The following STK32B variants were observed in gnomAD, a reference collection of about 807,000 sequenced individuals.
STK32B encodes the protein serine/threonine kinase 32B.
A neutral mutation model predicts 52.6 loss-of-function variants in STK32B; 43 were observed. The ratio of observed to expected loss-of-function variants is 0.82; its 90% CI spans 0.64 to 1.05. The LOEUF (loss-of-function observed/expected upper bound fraction) is 1.05, where lower values mean the gene tolerates loss of function less well. STK32B is among the 50% of genes least tolerant of loss of function. The pLI, the probability that STK32B is intolerant of heterozygous loss-of-function variation, is 0.00. For synonymous variants in STK32B, 238 were observed against 204.3 expected, an observed-to-expected ratio of 1.17 and a Z score of -1.41; for missense variants, 621 against 534.6, an observed-to-expected ratio of 1.16 and a Z score of -1.59.
intron 4 of STK32B, among the ~76,000 whole-genome samples, chr4:5,393,693 A>G (rs1333440089): frequency 1.3e-5 from 2 of 152,164 alleles, no homozygotes; most frequent in Non-Finnish European, 2.9e-5. Context: ...TAAACCATTC[A>G]GGAGAAACCA....
chr4:5,041,240 A>G, the STK32B span, among the ~76,000 whole-genome samples: 1 of 152,164 alleles, frequency 6.6e-6, no homozygotes, highest in Admixed American at 6.5e-5. Context: ...AAATAACCAA[A>G]TATGTGCAAG....
chr4:5,422,400 A>C (rs1712720188), intron 6 of STK32B, among the ~76,000 whole-genome samples: 1 of 152,238 alleles, frequency 6.6e-6, no homozygotes, highest in Non-Finnish European at 1.5e-5. Context: ...ACACAGATTC[A>C]GAAAATGGGC....
chr4:5,094,617 TG>T (rs1386658738), intron 1 of STK32B, among the ~76,000 whole-genome samples: 1 of 152,166 alleles, frequency 6.6e-6, no homozygotes, highest in African/African-American at 2.4e-5. Context: ...TTTGTGTCAC[TG>T]CACTCCAGCC....
chr4:5,477,590 C>T lies in STK32B; in HGVS notation c.1106+9520C>T, dbSNP rs560543909. Among the ~76,000 whole-genome samples, 7 of 152,304 alleles carry T rather than the reference C, an allele frequency of 4.6e-5. No homozygotes were observed. In the South Asian group the frequency reaches 6.2e-4, roughly 14 times the overall value. The stretch of plus-strand genomic sequence containing the variant: ...AACAACCAAGTGTGTTCCTTGTTCA[C>T]GCTGTATGTCCATGGCAGGTCAGCT... On this transcript the variant is annotated intron_variant, in intron 11 of 11. Transcript: ENST00000282908.
intron 6 of STK32B, chr4:5,436,751 G>A (rs1004375): frequency 0.43 from 382,953 of 897,318 alleles, 84,871 homozygotes; most frequent in Non-Finnish European, 0.46. Context: ...TAGGAGTCAG[G>A]ACCAAGAATT....
chr4:5,039,149 G>GAT, the STK32B span, among the ~76,000 whole-genome samples: 6 of 151,752 alleles, frequency 4.0e-5, no homozygotes, highest in African/African-American at 9.7e-5. Context: ...ATCATGCCCA[G>GAT]ATATATATAT....
chr4:5,482,883 T>G (rs926338672), intron 11 of STK32B, among the ~76,000 whole-genome samples: 4 of 152,216 alleles, frequency 2.6e-5, no homozygotes, highest in Non-Finnish European at 5.9e-5. Context: ...ATATGCTGGA[T>G]TACATTTATT....
chr4:5,421,891 C>T (rs550419036), intron 6 of STK32B, among the ~76,000 whole-genome samples: 1 of 152,178 alleles, frequency 6.6e-6, no homozygotes, highest in African/African-American at 2.4e-5. Context: ...CTGCCCAGGG[C>T]CACACAGCTG....
At chr4:5,377,518 G>A (rs1735658944) in intron 4 of STK32B, among the ~76,000 whole-genome samples, 1 of 152,080 alleles carries the variant, frequency 6.6e-6, no homozygotes, top group African/African-American at 2.4e-5. Context: ...TATCCTCAGT[G>A]GCAAACCAAT....
At position 5,399,353 on chromosome 4, in the gene STK32B, C is replaced by G. The variant is rs1008001040; in HGVS notation, c.472+1109C>G. ...AGGTCATGGTTCTATCTCAGAGCTC[C>G]TCTCGAACCTTCCATGAGCCAGCAG... is the stretch of plus-strand genomic sequence containing the variant. On this transcript the variant is annotated intron_variant, in intron 5 of 11. Transcript: ENST00000282908. This position sits in a 1 kb window ranked among gnomAD's most constrained non-coding sequence, Gnocchi z 5.4. 6.6e-6 allele frequency among the ~76,000 whole-genome samples: 1 copy of G among 152,188 alleles called. No homozygotes were observed. The highest frequency in any genetic ancestry group is 1.5e-5 in the Non-Finnish European group (1 of 68,040).
intron 1 of STK32B, among the ~76,000 whole-genome samples, chr4:5,098,940 A>G (rs1216348453): frequency 6.6e-6 from 1 of 152,240 alleles, no homozygotes; most frequent in Non-Finnish European, 1.5e-5. Flanking sequence ...TGCTGCCATA[A>G]CAAACTGCCA....
intron 11 of STK32B, among the ~76,000 whole-genome samples, chr4:5,498,483 C>A (rs1036193673): frequency 6.6e-6 from 1 of 152,288 alleles, no homozygotes; most frequent in East Asian, 1.9e-4. Context: ...AAGAATATGA[C>A]TGTTTGGCTT....
chr4:5,233,304 C>A (rs1724403564), intron 3 of STK32B, among the ~76,000 whole-genome samples: 1 of 152,082 alleles, frequency 6.6e-6, no homozygotes, highest in Non-Finnish European at 1.5e-5. Context: ...ATGTCATTTA[C>A]CAATATCATG....
chr4:5,123,340 G>T (rs1715175110), intron 1 of STK32B, among the ~76,000 whole-genome samples: 1 of 152,156 alleles, frequency 6.6e-6, no homozygotes, highest in Admixed American at 6.5e-5. Flanking sequence ...CTTCCTTGGA[G>T]CCTCATGCAG....
At chr4:5,106,732 C>T (rs1197527976) in intron 1 of STK32B, among the ~76,000 whole-genome samples, 2 of 152,146 alleles carry the variant, frequency 1.3e-5, no homozygotes, top group Non-Finnish European at 2.9e-5. Context: ...ATAGTTGTCT[C>T]TCTTTAAATA....
chr4:5,343,217 G>C (rs1481595901), intron 4 of STK32B, among the ~76,000 whole-genome samples: 1 of 150,468 alleles, frequency 6.6e-6, no homozygotes, highest in African/African-American at 2.4e-5. Flanking sequence ...TTTTGTCCTT[G>C]CAATAGTTTG....
chr4:5,124,520 T>G (rs1314906751), intron 1 of STK32B, among the ~76,000 whole-genome samples: 1 of 152,142 alleles, frequency 6.6e-6, no homozygotes, highest in East Asian at 1.9e-4. Context: ...GGGCCTGGAA[T>G]AGAGCCACAT....
chr4:5,108,053 T>C (rs1426958548), intron 1 of STK32B, among the ~76,000 whole-genome samples: 2 of 152,212 alleles, frequency 1.3e-5, no homozygotes, highest in African/African-American at 2.4e-5. Flanking sequence ...CTCTTTTCCA[T>C]GTAGCCACTC....
intron 3 of STK32B, among the ~76,000 whole-genome samples, chr4:5,314,421 G>A (rs1412354042): frequency 2.0e-5 from 3 of 152,192 alleles, no homozygotes; most frequent in Non-Finnish European, 4.4e-5. Flanking sequence ...TGTAATCCCA[G>A]CACTTTGGGA....
Sources: gnomAD v4.1 joint callset for allele counts (sites outside exome capture counted in the v4.1 genomes callset) on GRCh38, gnomAD v4.1.1 for gene constraint, Gnocchi (gnomAD v3.1) non-coding constraint, MANE v1.5 for transcripts, NCBI Gene and HGNC (gene_info 2026-07-23, HGNC 2026-07-21) for gene names.